Variants in CRTAC1 observed in about 807,000 individuals in gnomAD.
CRTAC1 encodes the protein cartilage acidic protein 1.
A neutral mutation model predicts 67.8 loss-of-function variants in CRTAC1; 37 were observed. That is an observed-to-expected ratio of 0.55 (90% confidence interval 0.42 to 0.72). The LOEUF (loss-of-function observed/expected upper bound fraction) is 0.72, where lower values mean the gene tolerates loss of function less well. CRTAC1 is among the 30% of genes least tolerant of loss of function. CRTAC1 has a pLI of 0.00. For missense variants in CRTAC1, 780 were observed against 931.6 expected (o/e 0.84, Z 2.12); for synonymous variants, 348 against 371.0 (o/e 0.94, Z 0.71).
rs1843302730 is a variant in CRTAC1 at position 98,029,112 on chromosome 10, C to T, written c.24+1337G>A. 1.3e-5 allele frequency among the ~76,000 whole-genome samples: 2 copies of T among 152,164 alleles called. No homozygotes were observed. The highest frequency in any genetic ancestry group is 2.9e-5 in the Non-Finnish European group (2 of 68,030). On this transcript the variant is annotated intron_variant, in intron 1 of 14. Transcript: ENST00000370597. The surrounding 1 kb of genome is among the most constrained non-coding windows in gnomAD (Gnocchi z 4.7). ...GAGAGAGAGAACATTTTCTCAAGAA[C>T]CATGCTGGAACAGCCACCATGTTCC...
At chr10:97,870,273 A>C (rs956121576) in intron 14 of CRTAC1, 1 of 152,192 alleles carries the variant, frequency 6.6e-6, no homozygotes, top group African/African-American at 2.4e-5. Context: ...TATAGCCTAT[A>C]AGCCTTTAAT....
intron 14 of CRTAC1, among the ~76,000 whole-genome samples, chr10:97,875,170 TA>T (rs1276432327): frequency 1.3e-5 from 2 of 152,360 alleles, no homozygotes; most frequent in East Asian, 3.9e-4. Flanking sequence ...GAGGTTGAAT[TA>T]CAGCTCTTGC....
chr10:97,916,056 A>T (rs976484225), intron 5 of CRTAC1, among the ~76,000 whole-genome samples: 1 of 151,920 alleles, frequency 6.6e-6, no homozygotes, highest in Non-Finnish European at 1.5e-5. Context: ...TTCATGCTCA[A>T]ACCCAGCCGC....
chr10:97,960,405 A>G (rs2051507389), intron 2 of CRTAC1, among the ~76,000 whole-genome samples: 2 of 152,232 alleles, frequency 1.3e-5, no homozygotes, highest in Non-Finnish European at 2.9e-5. Context: ...TGGAAAATGA[A>G]GGACACATGC....
intron 2 of CRTAC1, among the ~76,000 whole-genome samples, chr10:97,942,388 T>C (rs2051188744): frequency 6.6e-6 from 1 of 152,232 alleles, no homozygotes; most frequent in South Asian, 2.1e-4. Flanking sequence ...TCTTGGACTC[T>C]ACACTTTCAT....
chr10:97,870,087 C>A (rs184080977), intron 14 of CRTAC1: 1 of 152,318 alleles, frequency 6.6e-6, no homozygotes, highest in East Asian at 1.9e-4. Context: ...AGGCGTTCAA[C>A]CTTGGTGGCA....
In CRTAC1 at chr10:97,975,294, C is replaced by T. The variant is rs920901257; in HGVS notation, c.224+35844G>A. Among the ~76,000 whole-genome samples the T allele has an allele frequency of 6.6e-6, 1 of 152,100 alleles. No individual in the cohort carries two copies. Among genetic ancestry groups the T allele is most frequent in the Non-Finnish European group, 1.5e-5 (1 of 68,026 alleles). On this transcript the variant is annotated intron_variant, in intron 2 of 14. Transcript: ENST00000370597. The surrounding 1 kb of genome is among the most constrained non-coding windows in gnomAD (Gnocchi z 4.8). The stretch of plus-strand genomic sequence containing the variant: ...GATGCGGCTGTCCTCAGCCCCCTCA[C>T]GGAGCACGGGTGCTGCGGGAGGCGC...
chr10:97,915,555 G>T (rs1037171087), intron 5 of CRTAC1, among the ~76,000 whole-genome samples: 2 of 152,114 alleles, frequency 1.3e-5, no homozygotes, highest in Middle Eastern at 3.4e-3. Context: ...CTGGCCACGC[G>T]CCCAAAGCCT....
At chr10:98,022,829 G>A (rs965786904) in intron 1 of CRTAC1, among the ~76,000 whole-genome samples, 3 of 152,252 alleles carry the variant, frequency 2.0e-5, no homozygotes, top group South Asian at 2.1e-4. Flanking sequence ...TGGATAGACC[G>A]TGTTTCTGAA....
At chr10:97,873,750 C>T (rs554865104) in intron 14 of CRTAC1, among the ~76,000 whole-genome samples, 1 of 152,332 alleles carries the variant, frequency 6.6e-6, no homozygotes, top group South Asian at 2.1e-4. Context: ...TGCTTTCCTG[C>T]TGGCAGGCAG....
chr10:97,896,831 C>CCA, intron 9 of CRTAC1, 78 bp downstream of exon 9: 1 of 608,436 alleles, frequency 1.6e-6, no homozygotes, highest in Non-Finnish European at 2.9e-6. Context: ...CTGGCTGCCC[C>CCA]GTCCCTCCCG....
At position 98,005,100 on chromosome 10, in the gene CRTAC1, A is replaced by ATATTTTTTTTTTT; in HGVS notation, c.224+6037_224+6038insAAAAAAAAAAATA. On this transcript the variant is annotated intron_variant, in intron 2 of 14. Transcript: ENST00000370597. Reference sequence around the variant, plus strand: ...GTAATACATATATATATATATATATATTTTTTTTTTTTTTTTTTTTTGAGA... The same window carrying ATATTTTTTTTTTT: ...GTAATACATATATATATATATATATATATTTTTTTTTTTTTTTTTTTTTTTTTTTTTTTTGAGA... 1.6e-3 allele frequency among the ~76,000 whole-genome samples: 80 copies of ATATTTTTTTTTTT among 48,888 alleles called. 4 individuals carry two copies. The highest frequency in any genetic ancestry group is 2.0e-3 in the African/African-American group (17 of 8,690). The allele number at this position is 48,888 out of a possible 152,430, so 32.1% of individuals were successfully genotyped here.
intron 14 of CRTAC1, chr10:97,870,001 A>T (rs970739034): frequency 6.6e-6 from 1 of 152,222 alleles, no homozygotes; most frequent in Non-Finnish European, 1.5e-5. Flanking sequence ...ACACTGACAC[A>T]TGAAGACTCT....
At chr10:97,979,176 A>C (rs891084019) in intron 2 of CRTAC1, among the ~76,000 whole-genome samples, 5 of 152,110 alleles carry the variant, frequency 3.3e-5, no homozygotes, top group Admixed American at 3.3e-4. Flanking sequence ...GGCGGGGCTC[A>C]TACTTATGCT....
chr10:98,025,367 A>C (rs1005761285), intron 1 of CRTAC1, among the ~76,000 whole-genome samples: 2 of 152,168 alleles, frequency 1.3e-5, no homozygotes, highest in African/African-American at 4.8e-5. Flanking sequence ...AACAAGAAAA[A>C]GTGTCTACAG....
intron 1 of CRTAC1, among the ~76,000 whole-genome samples, chr10:98,018,216 AAAAAAAAAAAAAAAAAG>A (rs1443359304): frequency 6.7e-6 from 1 of 148,258 alleles, no homozygotes; most frequent in East Asian, 2.0e-4. Context: ...AAAAAAAAAA[AAAAAAAAAAAAAAAAAG>A]AGAGAGAGAG....
chr10:97,998,699 A>ATAAAATGG (rs1041795238), intron 2 of CRTAC1, among the ~76,000 whole-genome samples: 2 of 152,174 alleles, frequency 1.3e-5, no homozygotes, highest in East Asian at 1.9e-4. Context: ...AAAATGAGCA[A>ATAAAATGG]TAAAATGGTA....
chr10:98,019,084 G>A (rs899493991), intron 1 of CRTAC1, among the ~76,000 whole-genome samples: 1 of 152,114 alleles, frequency 6.6e-6, no homozygotes, highest in Non-Finnish European at 1.5e-5. Context: ...GGGGGAGCTG[G>A]GAAGTGCTTC....
chr10:97,894,364 A>G (rs763224769), intron 11 of CRTAC1, among the ~76,000 whole-genome samples: 3 of 151,962 alleles, frequency 2.0e-5, no homozygotes, highest in Non-Finnish European at 2.9e-5. Flanking sequence ...GATATACTGT[A>G]TATCTGTTCA....
Sources: gnomAD v4.1 joint callset for allele counts (sites outside exome capture counted in the v4.1 genomes callset) on GRCh38, gnomAD v4.1.1 for gene constraint, Gnocchi (gnomAD v3.1) non-coding constraint, MANE v1.5 for transcripts, NCBI Gene and HGNC (gene_info 2026-07-23, HGNC 2026-07-21) for gene names.